ABAT: variants seen among roughly 807,000 people sequenced by gnomAD.
ABAT encodes the protein 4-aminobutyrate aminotransferase, mitochondrial.
In ABAT, 45 loss-of-function variants were observed where a neutral mutation model predicts 64.6. The observed-to-expected ratio is 0.70, with a 90% CI of 0.55 to 0.89. The LOEUF is 0.89. Among genes scored for constraint, ABAT ranks in the 40% least tolerant of loss-of-function variants. ABAT has a pLI of 0.00. For missense variants in ABAT, 633 were observed against 658.4 expected (o/e 0.96, Z 0.42); for synonymous variants, 297 against 250.5 (o/e 1.19, Z -1.75).
intron 4 of ABAT, among the ~76,000 whole-genome samples, chr16:8,749,073 TTTG>T (rs2059406973): frequency 6.6e-6 from 1 of 151,856 alleles, no homozygotes; most frequent in South Asian, 2.1e-4. Flanking sequence ...TCTTCTGTCT[TTTG>T]TTCTTTTGTT....
intron 1 of ABAT, among the ~76,000 whole-genome samples, chr16:8,732,479 C>T (rs1189533905): frequency 6.6e-6 from 1 of 151,002 alleles, no homozygotes; most frequent in African/African-American, 2.5e-5. Flanking sequence ...TTGCACCGCC[C>T]TTAATCCATT....
intron 10 of ABAT, 98 bp from the exon 11 acceptor site, chr16:8,768,727 G>A (rs946315148): frequency 6.4e-7 from 1 of 1,560,478 alleles, no homozygotes; most frequent in Non-Finnish European, 8.8e-7. Context: ...CCTGCCCACT[G>A]ACAGCCTTGC....
intron 5 of ABAT, among the ~76,000 whole-genome samples, chr16:8,750,854 A>G (rs1271114114): frequency 6.6e-6 from 1 of 151,634 alleles, no homozygotes; most frequent in Non-Finnish European, 1.5e-5. Flanking sequence ...ATGCAAACCC[A>G]TCTGTGTGAC....
chr16:8,742,988 T>C (rs1438990062), intron 2 of ABAT, among the ~76,000 whole-genome samples: 1 of 122,450 alleles, frequency 8.2e-6, no homozygotes, highest in African/African-American at 3.1e-5. Flanking sequence ...CTGGGCAACA[T>C]AGCGAGACCT....
chr16:8,769,248 C>G (rs1399950201), intron 11 of ABAT, among the ~76,000 whole-genome samples: 1 of 152,120 alleles, frequency 6.6e-6, no homozygotes, highest in Non-Finnish European at 1.5e-5. Flanking sequence ...GTCAATGACT[C>G]TAAAATAAGA....
At chr16:8,742,289 C>G (rs1368256542) in intron 2 of ABAT, among the ~76,000 whole-genome samples, 1 of 152,168 alleles carries the variant, frequency 6.6e-6, no homozygotes, top group Non-Finnish European at 1.5e-5. Context: ...GTGTACTGCT[C>G]CCATTCCCAG....
chr16:8,743,162 G>A (rs376077119), intron 2 of ABAT, among the ~76,000 whole-genome samples: 5 of 151,132 alleles, frequency 3.3e-5, no homozygotes, highest in South Asian at 2.1e-4. Flanking sequence ...GTATTTTAAC[G>A]GTACTTTATG....
intron 1 of ABAT, among the ~76,000 whole-genome samples, chr16:8,684,088 G>A (rs1348786855): frequency 6.6e-6 from 1 of 152,188 alleles, no homozygotes; most frequent in African/African-American, 2.4e-5. Context: ...AGTGCCGAAG[G>A]TGTGTGGGAG....
intron 5 of ABAT, among the ~76,000 whole-genome samples, chr16:8,756,369 T>A (rs1279059383): frequency 6.6e-6 from 1 of 152,238 alleles, no homozygotes; most frequent in Non-Finnish European, 1.5e-5. Context: ...TTCTTATTAA[T>A]TAACGTCAAA....
At position 8,731,017 on chromosome 16, in the gene ABAT, C is replaced by T. The variant is rs572195805; in HGVS notation, c.-41-4682C>T. ...TCACTCTATCACCCAGACTGGAGTG[C>T]GGTGGTGTGATCTTGGCTCACTGCC... On this transcript the variant is annotated intron_variant, in intron 1 of 15. Transcript: ENST00000268251. 1.6e-4 allele frequency among the ~76,000 whole-genome samples: 24 copies of T among 152,276 alleles called. No individual in the cohort carries two copies. In the East Asian group the frequency reaches 3.9e-3, roughly 25 times the overall value.
chr16:8,767,060 G>GCA (rs2059966698), intron 9 of ABAT, among the ~76,000 whole-genome samples: 1 of 152,182 alleles, frequency 6.6e-6, no homozygotes, highest in Non-Finnish European at 1.5e-5. Flanking sequence ...TCAGGGAATT[G>GCA]GTGCTCAACC....
intron 6 of ABAT, 146 bp downstream of exon 6, chr16:8,757,952 G>A (rs568683513): frequency 2.0e-6 from 2 of 977,948 alleles, no homozygotes; most frequent in African/African-American, 1.6e-5. Context: ...CAGGTATGTG[G>A]CATGCCTTGA....
rs913636816 is a variant in ABAT, at chr16:8,781,602, G to A, written c.*172G>A. ...CTTGGGGGAGGGGAGGGGAGGGAAG[G>A]GCTGGTGTTGATTTTCCTCCCTGCA... On this transcript the variant is annotated 3_prime_UTR_variant, in exon 16 of 16. Transcript: ENST00000268251. The surrounding 1 kb of genome is among the most constrained non-coding windows in gnomAD (Gnocchi z 4.5). 22 of 755,170 alleles carry A rather than the reference G, an allele frequency of 2.9e-5. No homozygotes were observed. The South Asian group carries it at 3.1e-4, about 11-fold the overall frequency. 46.8% of individuals were successfully genotyped at this position (755,170 alleles called of 1,614,324 possible).
chr16:8,700,561 C>T (rs956088514), intron 1 of ABAT, among the ~76,000 whole-genome samples: 1 of 152,148 alleles, frequency 6.6e-6, no homozygotes, highest in African/African-American at 2.4e-5. Flanking sequence ...TCCTTGATGT[C>T]AGGCGTCTCC....
At chr16:8,751,653 A>G (rs963143209) in intron 5 of ABAT, among the ~76,000 whole-genome samples, 5 of 152,142 alleles carry the variant, frequency 3.3e-5, no homozygotes, top group African/African-American at 1.2e-4. Flanking sequence ...AACTCGTATA[A>G]TCTCCTCGGA....
At chr16:8,679,016 G>T (rs757378210) in intron 1 of ABAT, among the ~76,000 whole-genome samples, 52 of 152,136 alleles carry the variant, frequency 3.4e-4, no homozygotes, top group Admixed American at 7.9e-4. Flanking sequence ...AGCTTCCCAT[G>T]CATTAAAAAT....
intron 13 of ABAT, among the ~76,000 whole-genome samples, chr16:8,775,280 C>CCTGTTT (rs61366234): frequency 0.023 from 3,457 of 151,468 alleles, 72 homozygotes; most frequent in East Asian, 0.078. Flanking sequence ...TTCCTGTTTT[C>CCTGTTT]TCTCTGTGTG....
intron 12 of ABAT, among the ~76,000 whole-genome samples, chr16:8,774,089 C>T (rs910880000): frequency 2.0e-5 from 3 of 152,074 alleles, no homozygotes; most frequent in Non-Finnish European, 2.9e-5. Context: ...ACACCATGCC[C>T]AGCTAATTTT....
chr16:8,710,487 C>T (rs1243375774), intron 1 of ABAT, among the ~76,000 whole-genome samples: 1 of 152,000 alleles, frequency 6.6e-6, no homozygotes, highest in Non-Finnish European at 1.5e-5. Context: ...CCTTTAATCT[C>T]AGCACTTTGG....
Sources: allele counts gnomAD v4.1 joint callset (sites outside exome capture counted in the v4.1 genomes callset), GRCh38; gene constraint gnomAD v4.1.1; non-coding constraint Gnocchi (gnomAD v3.1); transcripts MANE v1.5; gene names NCBI Gene and HGNC (gene_info 2026-07-23, HGNC 2026-07-21).